IKBKE: variants seen among roughly 807,000 people sequenced by gnomAD.
The protein encoded by IKBKE is inhibitor of nuclear factor kappa-B kinase subunit epsilon.
A neutral mutation model predicts 92.1 loss-of-function variants in IKBKE; 45 were observed. The observed-to-expected ratio is 0.49, with a 90% CI of 0.38 to 0.63. The LOEUF (loss-of-function observed/expected upper bound fraction) is 0.63. Among genes scored for constraint, IKBKE ranks in the 20% least tolerant of loss-of-function variants. The pLI is 0.00. For missense variants in IKBKE, 700 were observed against 932.8 expected (o/e 0.75, Z 3.25); for synonymous variants, 374 against 380.3 (o/e 0.98, Z 0.19).
chr1:206,496,594 C>T lies in IKBKE; in HGVS notation c.*449C>T, dbSNP rs1232704962. Reference sequence around the variant, plus strand: ...CCTCATCACAGTCTTCCTTCCTCTTCAAGCGTTTCATGTTGAACACAGCTC... The same window carrying T: ...CCTCATCACAGTCTTCCTTCCTCTTTAAGCGTTTCATGTTGAACACAGCTC... On this transcript the variant is annotated 3_prime_UTR_variant, in exon 22 of 22. Transcript: ENST00000581977. The T allele has an allele frequency of 2.1e-5, 5 of 242,836 alleles. No homozygotes were observed. Among genetic ancestry groups the T allele is most frequent in the Non-Finnish European group, 3.2e-5 (4 of 124,342 alleles). 15.0% of individuals were successfully genotyped at this position (242,836 alleles called of 1,614,324 possible).
chr1:206,493,552 C>T (rs1666062474), intron 20 of IKBKE, among the ~76,000 whole-genome samples, 174 bp downstream of exon 20: 1 of 152,170 alleles, frequency 6.6e-6, no homozygotes, highest in East Asian at 1.9e-4. Flanking sequence ...CTTTGAGAGG[C>T]CAAGGTGAGC....
At position 206,476,249 on chromosome 1, in the gene IKBKE, C is replaced by A. The variant is rs782588565; in HGVS notation, c.427C>A (p.Arg143Ser). The A allele has an allele frequency of 6.2e-7, 1 of 1,614,142 alleles. No individual in the cohort carries two copies. The highest frequency in any genetic ancestry group is 1.1e-5 in the South Asian group (1 of 91,082). The change falls in exon 6 of 22, where the codon CGC (arginine) becomes AGC (serine). Residue 143 changes from arginine (R) to serine (S), a missense_variant. Physicochemically the swap from Arg to Ser is moderately radical, Grantham distance 110. Coordinates refer to ENST00000581977, the MANE Select transcript of IKBKE (RefSeq NM_014002.4). The surrounding 1 kb of genome is among the most constrained non-coding windows in gnomAD (Gnocchi z 5.1). ...CGACATCAAGCCGGGGAACATCATG[C>A]GCCTCGTAGGGGAGGAGGGGCAGAG... is the stretch of plus-strand genomic sequence containing the variant. ...HRDIKPGNIM[R>S]LVGEEGQSIY...
At chr1:206,477,710 T>C (rs1416865282) in intron 7 of IKBKE, 39 bp from the exon 8 acceptor site, 3 of 1,288,184 alleles carry the variant, frequency 2.3e-6, no homozygotes, top group Admixed American at 4.3e-5. Flanking sequence ...GGCAATGTGA[T>C]AGCTGGGGAT....
At position 206,476,611 on chromosome 1, in the gene IKBKE, G is replaced by A; in HGVS notation, c.541-67G>A. 1 of 1,580,238 alleles carries A rather than the reference G, an allele frequency of 6.3e-7. No individual in the cohort carries two copies. Among genetic ancestry groups the A allele is most frequent in the South Asian group, 1.1e-5 (1 of 88,812 alleles). ...TTTCACCTGCAGGCGGTGAAAGGGG[G>A]TCTGACAGGTCTCAGGCCCTTGCCA... On this transcript the variant is annotated intron_variant, in intron 6 of 21. Coordinates refer to ENST00000581977, the MANE Select transcript of IKBKE (RefSeq NM_014002.4). This position sits in a 1 kb window ranked among gnomAD's most constrained non-coding sequence, Gnocchi z 5.1.
intron 17 of IKBKE, 134 bp from the exon 18 acceptor site, chr1:206,491,512 CAT>C: frequency 3.2e-6 from 2 of 619,604 alleles, no homozygotes; most frequent in East Asian, 3.1e-5. Flanking sequence ...TTCCCAGAGA[CAT>C]AGCCCTGCTG....
intron 16 of IKBKE, among the ~76,000 whole-genome samples, chr1:206,489,377 A>G (rs199906818): frequency 0.35 from 43,255 of 122,606 alleles, 6,885 homozygotes; most frequent in South Asian, 0.46. Context: ...GTGTATATAT[A>G]TATATATATA....
intron 13 of IKBKE, among the ~76,000 whole-genome samples, chr1:206,481,350 G>A (rs1665378023): frequency 6.6e-6 from 1 of 152,200 alleles, no homozygotes; most frequent in African/African-American, 2.4e-5. Flanking sequence ...TTGTCCTCAG[G>A]GAGCTCCAGG....
intron 16 of IKBKE, among the ~76,000 whole-genome samples, chr1:206,489,347 G>A (rs1553389591): frequency 2.1e-5 from 1 of 46,558 alleles, no homozygotes; most frequent in Non-Finnish European, 5.1e-5. Context: ...GTGTGTATAT[G>A]TGTGTGTGTG....
intron 15 of IKBKE, among the ~76,000 whole-genome samples, chr1:206,486,917 G>A (rs1256969057): frequency 6.6e-6 from 1 of 152,086 alleles, no homozygotes; most frequent in African/African-American, 2.4e-5. Flanking sequence ...CCTTTTGGAT[G>A]AAGGCTGAGG....
chr1:206,492,744 A>G, intron 18 of IKBKE: 3 of 586,172 alleles, frequency 5.1e-6, no homozygotes, highest in South Asian at 3.0e-5. Context: ...CGCTCACCAT[A>G]GGTGGCATGC....
intron 2 of IKBKE, chr1:206,472,989 G>T (rs781790762): frequency 9.5e-4 from 495 of 522,438 alleles, no homozygotes; most frequent in Non-Finnish European, 1.4e-3. Context: ...TGAGGGCTCA[G>T]TGGGGGCCCT....
intron 2 of IKBKE, chr1:206,472,970 G>A (rs1287966776): frequency 6.2e-6 from 3 of 483,152 alleles, no homozygotes; most frequent in African/African-American, 4.1e-5. Flanking sequence ...ACAGGTGCCG[G>A]CTGTGGGCTG....
chr1:206,481,625 G>A (rs147565191), intron 13 of IKBKE, among the ~76,000 whole-genome samples: 346 of 152,282 alleles, frequency 2.3e-3, no homozygotes, highest in African/African-American at 8.0e-3. Flanking sequence ...GGTAGATGTG[G>A]CATCCTGTCA....
At position 206,487,880 on chromosome 1, in the gene IKBKE, C is replaced by T. The variant is rs1665749034; in HGVS notation, c.1617-34C>T. 6 of 1,576,450 alleles carry T rather than the reference C, an allele frequency of 3.8e-6. No homozygotes were observed. The highest frequency in any genetic ancestry group is 5.2e-6 in the Non-Finnish European group (6 of 1,148,414). ...CCTCTTTCCTCTGTGCTATTAGATT[C>T]TTCCAACACCTGGTCCCTGTCTCCT... On this transcript the variant is annotated intron_variant, in intron 15 of 21. Coordinates refer to ENST00000581977, the MANE Select transcript of IKBKE (RefSeq NM_014002.4). This position sits in a 1 kb window ranked among gnomAD's most constrained non-coding sequence, Gnocchi z 5.3.
At position 206,485,232 on chromosome 1, in the gene IKBKE, G is replaced by A. The variant is rs150333242; in HGVS notation, c.1542G>A (p.Thr514=). 5.7e-3 allele frequency: 9,127 copies of A among 1,613,920 alleles called. 31 individuals carry two copies. The highest frequency in any genetic ancestry group is 6.4e-3 in the Non-Finnish European group (7,515 of 1,179,818). ...EVLSRCSQNI[T]ETQESLSSLN... ...TCTCCAGATGCTCCCAAAATATCAC[G>A]GAGACCCAGGAGAGCCTGAGCAGCC... is the stretch of plus-strand genomic sequence containing the variant. The change falls in exon 15 of 22, where the codon ACG becomes ACA. Residue 514 remains threonine, a synonymous_variant. Coordinates refer to ENST00000581977, the MANE Select transcript of IKBKE (RefSeq NM_014002.4). The surrounding 1 kb of genome is among the most constrained non-coding windows in gnomAD (Gnocchi z 5.0).
chr1:206,491,210 G>A, intron 17 of IKBKE: 1 of 410,334 alleles, frequency 2.4e-6, no homozygotes, highest in Non-Finnish European at 4.5e-6. Flanking sequence ...TGTCTCCCAT[G>A]TTTCCCGGAC....
At position 206,470,578 on chromosome 1, in the gene IKBKE, G is replaced by A. The variant is rs1664720802; in HGVS notation, c.-243G>A. On this transcript the variant is annotated 5_prime_UTR_variant, in exon 1 of 22. Transcript: ENST00000581977. ...ACATTGCAACTGGCCCTGCCTGTGGGTCCTAGGGGCCCTTGGCTACCAGGA... is the reference window on the plus strand; with the variant it reads ...ACATTGCAACTGGCCCTGCCTGTGGATCCTAGGGGCCCTTGGCTACCAGGA... The A allele has an allele frequency of 6.6e-6, 1 of 152,264 alleles. No homozygotes were observed. Among genetic ancestry groups the A allele is most frequent in the Non-Finnish European group, 1.5e-5 (1 of 68,068 alleles). The allele number at this position is 152,264 out of a possible 1,614,324, so 9.4% of individuals were successfully genotyped here.
chr1:206,491,759 C>G lies in IKBKE; in HGVS notation c.1835+10C>G. ...ACGGCAAGAGGATGAGGTAACAGCC[C>G]CTCCTGAGCTCCTGGAGCCCAGGGC... On this transcript the variant is annotated intron_variant, in intron 18 of 21. Transcript: ENST00000581977. 2.5e-6 allele frequency: 4 copies of G among 1,602,122 alleles called. No individual in the cohort carries two copies. Among genetic ancestry groups the G allele is most frequent in the Non-Finnish European group, 3.4e-6 (4 of 1,169,996 alleles).
intron 21 of IKBKE, among the ~76,000 whole-genome samples, chr1:206,495,194 C>G (rs1165434342): frequency 2.0e-5 from 3 of 152,228 alleles, no homozygotes; most frequent in Middle Eastern, 6.8e-3. Flanking sequence ...GTCTGAGAAC[C>G]AATGGCAGGG....
Sources: allele counts gnomAD v4.1 joint callset (sites outside exome capture counted in the v4.1 genomes callset), GRCh38; gene constraint gnomAD v4.1.1; non-coding constraint Gnocchi (gnomAD v3.1); transcripts MANE v1.5; gene names NCBI Gene and HGNC (gene_info 2026-07-23, HGNC 2026-07-21).